The following MAPRE2 variants were observed in gnomAD, a reference collection of about 807,000 sequenced individuals.
MAPRE2 encodes the protein microtubule associated protein RP/EB family member 2, also known as microtubule-associated protein RP/EB family member 2.
Under a neutral mutation model 43.2 loss-of-function variants are expected in MAPRE2, and 13 were observed. The ratio of observed to expected loss-of-function variants is 0.30; its 90% CI spans 0.20 to 0.48. MAPRE2 has a LOEUF of 0.48. Ranked by LOEUF, MAPRE2 falls within the 20% of genes least tolerant of loss-of-function variation. MAPRE2 has a pLI of 0.99. For synonymous variants in MAPRE2, 135 were observed against 148.8 expected (o/e 0.91, Z 0.68); for missense variants, 161 against 400.2 (o/e 0.40, Z 5.10).
chr18:35,030,631 G>A (rs2097047393), intron 2 of MAPRE2, among the ~76,000 whole-genome samples: 1 of 152,136 alleles, frequency 6.6e-6, no homozygotes, highest in East Asian at 1.9e-4. Context: ...TCAAATATTA[G>A]GTGTTGCTAT....
chr18:35,132,027 T>G lies in MAPRE2; in HGVS notation c.751-5T>G, dbSNP rs772975216. 1 of 1,614,078 alleles carries G rather than the reference T, an allele frequency of 6.2e-7. No individual in the cohort carries two copies. The highest frequency in any genetic ancestry group is 1.1e-5 in the South Asian group (1 of 91,078). ...TTTTTTTTCTTCACTCTCACTCCCT[T>G]GCAGGTACATTCATTAAAACTTGCC... On this transcript the variant is annotated splice_polypyrimidine_tract_variant and splice_region_variant and intron_variant, in intron 5 of 6. Coordinates refer to ENST00000300249, the MANE Select transcript of MAPRE2 (RefSeq NM_014268.4).
intron 5 of MAPRE2, among the ~76,000 whole-genome samples, chr18:35,127,969 C>T (rs549893911): frequency 6.6e-6 from 1 of 152,244 alleles, no homozygotes; most frequent in African/African-American, 2.4e-5. Flanking sequence ...CCTGGCTACC[C>T]TGCCGCTATG....
chr18:35,118,844 G>A (rs1175166144), intron 4 of MAPRE2, among the ~76,000 whole-genome samples: 1 of 152,108 alleles, frequency 6.6e-6, no homozygotes, highest in Non-Finnish European at 1.5e-5. Context: ...AGAAGGCAGG[G>A]CCTTTGCACC....
At chr18:35,067,872 C>T (rs1463803215) in intron 1 of MAPRE2, among the ~76,000 whole-genome samples, 1 of 151,982 alleles carries the variant, frequency 6.6e-6, no homozygotes, top group African/African-American at 2.4e-5. Flanking sequence ...CAAATGGTTT[C>T]GTTTAATAAA....
At chr18:35,061,360 C>G (rs1906516984) in intron 1 of MAPRE2, among the ~76,000 whole-genome samples, 1 of 152,198 alleles carries the variant, frequency 6.6e-6, no homozygotes, top group Non-Finnish European at 1.5e-5. Flanking sequence ...TAGTATATTT[C>G]AGTGTCTATA....
chr18:35,110,847 T>C (rs1909143940), intron 4 of MAPRE2, among the ~76,000 whole-genome samples: 1 of 152,170 alleles, frequency 6.6e-6, no homozygotes, highest in Non-Finnish European at 1.5e-5. Context: ...ATGGAATACA[T>C]AGTTTTTCTC....
chr18:35,048,270 G>A (rs993512326), intron 1 of MAPRE2, among the ~76,000 whole-genome samples: 3 of 152,028 alleles, frequency 2.0e-5, no homozygotes, highest in African/African-American at 7.2e-5. Flanking sequence ...GGACAGCATC[G>A]AGCTATGAGG....
intron 1 of MAPRE2, among the ~76,000 whole-genome samples, chr18:34,977,471 G>T (rs1457147082): frequency 6.6e-6 from 1 of 152,222 alleles, no homozygotes; most frequent in Non-Finnish European, 1.5e-5. Context: ...GCTCGCGACT[G>T]CGCGACCGCG....
intron 1 of MAPRE2, among the ~76,000 whole-genome samples, chr18:34,995,368 C>T (rs1466002507): frequency 6.6e-6 from 1 of 152,220 alleles, no homozygotes; most frequent in Non-Finnish European, 1.5e-5. Context: ...ATATGTGTGG[C>T]AGCTTCATCT....
chr18:35,103,284 C>T (rs987650100), intron 4 of MAPRE2, among the ~76,000 whole-genome samples: 4 of 152,116 alleles, frequency 2.6e-5, no homozygotes, highest in Non-Finnish European at 5.9e-5. Context: ...ATGAACAACT[C>T]TGGGAGAGTT....
intron 2 of MAPRE2, among the ~76,000 whole-genome samples, chr18:35,082,556 A>C (rs1264565126): frequency 6.6e-6 from 1 of 151,920 alleles, no homozygotes; most frequent in Non-Finnish European, 1.5e-5. Flanking sequence ...CTTTGCTTGG[A>C]GTATCTCCTT....
chr18:34,977,534 G>T (rs1461425000), intron 1 of MAPRE2, among the ~76,000 whole-genome samples: 1 of 152,184 alleles, frequency 6.6e-6, no homozygotes, highest in Non-Finnish European at 1.5e-5. Context: ...AGAGCTGGGG[G>T]CTCTGGCAGG....
intron 1 of MAPRE2, 139 bp downstream of exon 1, chr18:35,041,800 G>A: frequency 4.7e-6 from 7 of 1,498,314 alleles, no homozygotes; most frequent in East Asian, 2.4e-5. Context: ...TGATTATTTG[G>A]TATCTGTTTC....
intron 2 of MAPRE2, among the ~76,000 whole-genome samples, chr18:35,075,560 AAGTT>A (rs1203536886): frequency 5.3e-5 from 8 of 152,238 alleles, no homozygotes; most frequent in East Asian, 1.9e-4. Context: ...TGCTGTAAGA[AAGTT>A]AGGTCATCTT....
intron 2 of MAPRE2, among the ~76,000 whole-genome samples, chr18:35,034,556 G>C (rs9748770): frequency 0.46 from 69,016 of 150,794 alleles, 15,911 homozygotes; most frequent in African/African-American, 0.51. Flanking sequence ...AAAGAAACTA[G>C]CATCAGAGTG....
intron 4 of MAPRE2, among the ~76,000 whole-genome samples, chr18:35,122,758 C>T (rs1048671960): frequency 6.6e-6 from 1 of 152,098 alleles, no homozygotes; most frequent in Admixed American, 6.5e-5. Flanking sequence ...AGGAGGTGCA[C>T]GTGTGTGTGC....
At chr18:34,998,451 C>A (rs1450144250) in intron 1 of MAPRE2, among the ~76,000 whole-genome samples, 8 of 151,686 alleles carry the variant, frequency 5.3e-5, no homozygotes. Context: ...CTCAGCCTCC[C>A]AAGTAGCTGG....
intron 2 of MAPRE2, among the ~76,000 whole-genome samples, chr18:35,083,121 A>G (rs1415444446): frequency 2.0e-5 from 3 of 152,220 alleles, no homozygotes; most frequent in African/African-American, 7.2e-5. Flanking sequence ...AAGATCTCAT[A>G]TCTTTTCAGA....
At chr18:35,029,962 G>C (rs1367237614) in intron 2 of MAPRE2, among the ~76,000 whole-genome samples, 1 of 152,172 alleles carries the variant, frequency 6.6e-6, no homozygotes, top group Non-Finnish European at 1.5e-5. Flanking sequence ...CCAAAAAAAT[G>C]CCTGCAGTTT....
Sources: allele counts gnomAD v4.1 joint callset (sites outside exome capture counted in the v4.1 genomes callset), GRCh38; gene constraint gnomAD v4.1.1; transcripts MANE v1.5; gene names NCBI Gene and HGNC (gene_info 2026-07-23, HGNC 2026-07-21).